Variants in SECISBP2 observed in about 807,000 individuals in gnomAD.
The protein encoded by SECISBP2 is selenocysteine insertion sequence-binding protein 2.
In SECISBP2, 96 loss-of-function variants were observed where a neutral mutation model predicts 98.2. The observed-to-expected ratio is 0.98, with a 90% CI of 0.83 to 1.16. SECISBP2 has a LOEUF of 1.16. SECISBP2 is among the 50% of genes most tolerant of loss of function. The pLI, the probability that SECISBP2 is intolerant of heterozygous loss-of-function variation, is 0.00. For missense variants in SECISBP2, 1,046 were observed against 1,022.9 expected, an observed-to-expected ratio of 1.02 and a Z score of -0.31; for synonymous variants, 407 against 370.2, an observed-to-expected ratio of 1.10 and a Z score of -1.14.
chr9:89,338,929 G>T (rs532424206), intron 8 of SECISBP2, among the ~76,000 whole-genome samples: 93 of 151,274 alleles, frequency 6.1e-4, no homozygotes, highest in African/African-American at 2.1e-3. Flanking sequence ...CTTTTGCAGG[G>T]CCTCCTTTTC....
In SECISBP2 at chr9:89,328,756, CT is replaced by C. The variant is rs1564342476; in HGVS notation, c.672del (p.Glu225AsnfsTer31). On this transcript the variant is annotated frameshift_variant, in exon 5 of 17. Coordinates refer to ENST00000375807, the MANE Select transcript of SECISBP2 (RefSeq NM_024077.5). LOFTEE classifies it high-confidence loss of function. The stretch of plus-strand genomic sequence containing the variant: ...TTTGAATTTACCACACTGGACTTTC[CT>C]GAACTGCAAGGTGCAGAGAACAATA... Reference protein sequence around the residue: ...PEFEFTTLDFPELQGAENNMS... With the variant: ...PEFEFTTLDFXELQGAENNMS... 1 of 1,614,202 alleles carries C rather than the reference CT, an allele frequency of 6.2e-7. No homozygotes were observed. Among genetic ancestry groups the C allele is most frequent in the Admixed American group, 1.7e-5 (1 of 60,022 alleles).
chr9:89,355,165 G>A, intron 14 of SECISBP2: 2 of 985,454 alleles, frequency 2.0e-6, no homozygotes, highest in Non-Finnish European at 2.4e-6. Context: ...CATTGGAGAA[G>A]TTCTTCTCTT....
chr9:89,336,080 G>GTTT (rs1564372011), intron 7 of SECISBP2, among the ~76,000 whole-genome samples: 2 of 44,552 alleles, frequency 4.5e-5, no homozygotes, highest in African/African-American at 1.6e-4. Flanking sequence ...AATTTTAAGT[G>GTTT]CTTTTTTTTT....
At chr9:89,362,497 CTG>C (rs1167677349), downstream of SECISBP2, 1 of 1,613,698 alleles carries the variant, frequency 6.2e-7, no homozygotes, top group African/African-American at 1.3e-5. Context: ...GCAGCCCAGT[CTG>C]TCTCATAGCC....
intron 2 of SECISBP2, chr9:89,322,411 T>C (rs1825963153): frequency 6.6e-6 from 1 of 152,276 alleles, no homozygotes; most frequent in Non-Finnish European, 1.5e-5. Context: ...TGTTTGGGTA[T>C]TATTGTATAC....
chr9:89,327,161 C>T (rs888268846), intron 4 of SECISBP2, among the ~76,000 whole-genome samples: 1 of 149,042 alleles, frequency 6.7e-6, no homozygotes, highest in Non-Finnish European at 1.5e-5. Context: ...GAGACTCCGT[C>T]TCCAAAAAAA....
Position 89,339,958 on chromosome 9 carries a change from T to TTTTTAGATTGTGG in SECISBP2, c.1302+15_1302+16insTGGTTTTAGATTG, listed in dbSNP as rs1564388647. On this transcript the variant is annotated splice_donor_region_variant and intron_variant, in intron 9 of 16. Coordinates refer to ENST00000375807, the MANE Select transcript of SECISBP2 (RefSeq NM_024077.5). ...CAATCTAAGCAGCAGCCACAGGTAA[T>TTTTTAGATTGTGG]TTTTAGATTGAAACCACAAATTGCT... 1 of 1,600,884 alleles carries TTTTTAGATTGTGG rather than the reference T, an allele frequency of 6.2e-7. No individual in the cohort carries two copies. The highest frequency in any genetic ancestry group is 2.2e-5 in the East Asian group (1 of 44,770).
chr9:89,334,139 TAAAG>T, intron 6 of SECISBP2: 3 of 1,151,404 alleles, frequency 2.6e-6, no homozygotes, highest in Non-Finnish European at 2.2e-6. Context: ...CTTCTGATGT[TAAAG>T]GTACACTTCA....
downstream of SECISBP2, chr9:89,363,636 A>G (rs1833108364): frequency 3.8e-6 from 6 of 1,591,614 alleles, no homozygotes; most frequent in African/African-American, 6.7e-5. Flanking sequence ...CCAAACCCAG[A>G]ATGCCACCGT....
chr9:89,345,928 A>G (rs893404015), intron 10 of SECISBP2, among the ~76,000 whole-genome samples: 1 of 152,262 alleles, frequency 6.6e-6, no homozygotes, highest in African/African-American at 2.4e-5. Context: ...GGAGGCAGGT[A>G]CAGTTGTCTT....
chr9:89,336,987 T>A (rs1828852416), intron 7 of SECISBP2, among the ~76,000 whole-genome samples: 2 of 152,044 alleles, frequency 1.3e-5, no homozygotes, highest in South Asian at 4.2e-4. Flanking sequence ...TTGGTCAGGG[T>A]GGTCTCGAAC....
At chr9:89,339,807 T>C (rs546656011) in intron 8 of SECISBP2, 57 bp from the exon 9 acceptor site, 439 of 1,175,120 alleles carry the variant, frequency 3.7e-4, no homozygotes, top group Non-Finnish European at 5.1e-4. Flanking sequence ...AAGGAAAAGG[T>C]TGCACTTGGC....
chr9:89,329,036 A>G, intron 5 of SECISBP2, 150 bp downstream of exon 5: 2 of 659,010 alleles, frequency 3.0e-6, no homozygotes, highest in Non-Finnish European at 5.3e-6. Flanking sequence ...GTGCACTTAT[A>G]TGACCTTCTT....
chr9:89,326,062 A>G (rs752130473), intron 4 of SECISBP2, 24 bp downstream of exon 4: 1 of 1,607,952 alleles, frequency 6.2e-7, no homozygotes, highest in Non-Finnish European at 8.5e-7. Context: ...ACAATGTAGT[A>G]TAATGCGAGC....
At chr9:89,344,240 A>G (rs1830112063) in intron 10 of SECISBP2, among the ~76,000 whole-genome samples, 1 of 152,074 alleles carries the variant, frequency 6.6e-6, no homozygotes, top group South Asian at 2.1e-4. Context: ...AGATTGCAGA[A>G]ATTTCTCCCA....
At position 89,357,225 on chromosome 9, in the gene SECISBP2, A is replaced by C. The variant is rs193192027; in HGVS notation, c.2114-186A>C. On this transcript the variant is annotated intron_variant, in intron 14 of 16. Transcript: ENST00000375807. ...AATACCAGCTGTGTGTTTTCTTTCCATTTTTCCCCATATTTTTGGAGAGTT... is the reference window on the plus strand; with the variant it reads ...AATACCAGCTGTGTGTTTTCTTTCCCTTTTTCCCCATATTTTTGGAGAGTT... 5.7e-4 allele frequency: 383 copies of C among 667,948 alleles called. 4 individuals carry two copies. In the East Asian group the frequency reaches 8.3e-3, roughly 14 times the overall value. The allele number at this position is 667,948 out of a possible 1,614,324, so 41.4% of individuals were successfully genotyped here.
intron 9 of SECISBP2, 115 bp downstream of exon 9, chr9:89,340,068 T>C (rs1829428213): frequency 5.4e-6 from 4 of 741,108 alleles, no homozygotes; most frequent in African/African-American, 5.2e-5. Context: ...TGGTTTTGTT[T>C]TGATTCATTC....
In SECISBP2 at chr9:89,341,344, C is replaced by G; in HGVS notation, c.1303-3C>G. 6.2e-7 allele frequency: 1 copy of G among 1,613,108 alleles called. No homozygotes were observed. The highest frequency in any genetic ancestry group is 1.1e-5 in the South Asian group (1 of 90,988). ...AGTAAACTTACGAATTTTGAACTTT[C>G]AGGATAATTTTAAAAATAATGTAAA... is the stretch of plus-strand genomic sequence containing the variant. On this transcript the variant is annotated splice_region_variant and splice_polypyrimidine_tract_variant and intron_variant, in intron 9 of 16. Coordinates refer to ENST00000375807, the MANE Select transcript of SECISBP2 (RefSeq NM_024077.5).
At chr9:89,354,350 G>A (rs905282170) in intron 14 of SECISBP2, among the ~76,000 whole-genome samples, 3 of 152,212 alleles carry the variant, frequency 2.0e-5, no homozygotes, top group Non-Finnish European at 2.9e-5. Context: ...TTAGCAAAGC[G>A]AAGAGGCACA....
Sources: allele counts gnomAD v4.1 joint callset (sites outside exome capture counted in the v4.1 genomes callset), GRCh38; gene constraint gnomAD v4.1.1; transcripts MANE v1.5; gene names NCBI Gene and HGNC (gene_info 2026-07-23, HGNC 2026-07-21).